Variants in SNX29 observed in about 807,000 individuals in gnomAD.
The protein encoded by SNX29 is sorting nexin 29.
A neutral mutation model predicts 102.1 loss-of-function variants in SNX29; 78 were observed. The observed-to-expected ratio is 0.76, with a 90% CI of 0.64 to 0.92. The LOEUF is 0.92. Ranked by LOEUF, SNX29 falls within the 40% of genes least tolerant of loss-of-function variation. The pLI is 0.00. For missense variants in SNX29, 1,280 were observed against 1,061.7 expected, an observed-to-expected ratio of 1.21 and a Z score of -2.86; for synonymous variants, 580 against 414.5, an observed-to-expected ratio of 1.40 and a Z score of -4.85.
At chr16:12,074,130 C>T (rs1216034544) in intron 10 of SNX29, among the ~76,000 whole-genome samples, 2 of 150,738 alleles carry the variant, frequency 1.3e-5, no homozygotes, top group South Asian at 2.1e-4. Context: ...TCCAATTTGC[C>T]AGTCTGTGTC....
intron 13 of SNX29, among the ~76,000 whole-genome samples, chr16:12,160,230 C>T (rs750038800): frequency 4.6e-5 from 7 of 152,316 alleles, no homozygotes; most frequent in Non-Finnish European, 8.8e-5. Context: ...CTCCACTCCA[C>T]TTTCTGACTG....
At chr16:12,022,275 A>G (rs1413758120) in intron 3 of SNX29, among the ~76,000 whole-genome samples, 1 of 150,722 alleles carries the variant, frequency 6.6e-6, no homozygotes, top group Non-Finnish European at 1.5e-5. Flanking sequence ...ATCTCAGCTC[A>G]CTGCGACCTC....
At chr16:12,301,211 A>G (rs554631273) in intron 15 of SNX29, among the ~76,000 whole-genome samples, 1 of 152,318 alleles carries the variant, frequency 6.6e-6, no homozygotes, top group Admixed American at 6.5e-5. Flanking sequence ...TGTTGCTACC[A>G]CAAATCTAAC....
intron 20 of SNX29, chr16:12,561,286 A>G (rs1315256841): frequency 8.7e-6 from 2 of 230,526 alleles, no homozygotes; most frequent in Non-Finnish European, 1.7e-5. Context: ...ACACAGGGAG[A>G]ACATTCTCCA....
intron 18 of SNX29, among the ~76,000 whole-genome samples, chr16:12,437,932 G>C (rs1395247243): frequency 6.6e-6 from 1 of 151,928 alleles, no homozygotes; most frequent in Non-Finnish European, 1.5e-5. Context: ...GGGCCCCAGC[G>C]GTCCATCTGC....
intron 18 of SNX29, among the ~76,000 whole-genome samples, chr16:12,467,672 C>G (rs2087124863): frequency 1.3e-5 from 2 of 152,210 alleles, no homozygotes; most frequent in Admixed American, 1.3e-4. Context: ...CTCATTCATT[C>G]ATTCATTCTG....
intron 16 of SNX29, among the ~76,000 whole-genome samples, chr16:12,359,177 C>T (rs974032670): frequency 1.3e-5 from 2 of 152,160 alleles, no homozygotes; most frequent in East Asian, 3.8e-4. Flanking sequence ...GTAGATGTGT[C>T]AGAATTGAAT....
At chr16:12,061,971 G>A (rs1348682923) in intron 9 of SNX29, among the ~76,000 whole-genome samples, 1 of 152,176 alleles carries the variant, frequency 6.6e-6, no homozygotes. Flanking sequence ...ACCACAAATA[G>A]TGACCACGAT....
intron 19 of SNX29, among the ~76,000 whole-genome samples, chr16:12,479,123 G>A (rs557891708): frequency 1.1e-4 from 17 of 152,314 alleles, no homozygotes; most frequent in African/African-American, 3.6e-4. Context: ...TGGGCTCACC[G>A]TAGACATGCT....
chr16:12,317,838 TCC>T lies in SNX29; in HGVS notation c.1783-38322_1783-38321del, dbSNP rs35710990. Among the ~76,000 whole-genome samples the T allele has an allele frequency of 2.0e-5, 3 of 152,210 alleles. No homozygotes were observed. The South Asian group carries it at 6.2e-4, about 32-fold the overall frequency. ...TCTGCAAAATGGTGATGCTAATGAC[TCC>T]CCGTGCCGGGGTGGGGGGTCGAAAT... On this transcript the variant is annotated intron_variant, in intron 15 of 20. Coordinates refer to ENST00000566228, the MANE Select transcript of SNX29 (RefSeq NM_032167.5).
chr16:12,299,583 C>G (rs2080095334), intron 15 of SNX29, among the ~76,000 whole-genome samples: 2 of 152,100 alleles, frequency 1.3e-5, no homozygotes, highest in South Asian at 4.1e-4. Context: ...ATTTATACAG[C>G]ATAATCTAGG....
intron 20 of SNX29, among the ~76,000 whole-genome samples, chr16:12,561,820 A>C (rs1262940231): frequency 6.6e-6 from 1 of 152,080 alleles, no homozygotes; most frequent in Non-Finnish European, 1.5e-5. Context: ...ACCGCAGCTT[A>C]CATCCTTCTC....
intron 20 of SNX29, among the ~76,000 whole-genome samples, chr16:12,560,388 T>A (rs1284187953): frequency 6.6e-6 from 1 of 152,054 alleles, no homozygotes; most frequent in Non-Finnish European, 1.5e-5. Flanking sequence ...GTATTTTGAG[T>A]TCTTTAATCC....
intron 20 of SNX29, among the ~76,000 whole-genome samples, chr16:12,565,951 C>T (rs945299208): frequency 2.0e-5 from 3 of 152,204 alleles, no homozygotes; most frequent in East Asian, 1.9e-4. Flanking sequence ...CCCTCCCCAT[C>T]CTCAATGACA....
intron 19 of SNX29, 82 bp from the exon 20 acceptor site, chr16:12,524,620 T>G: frequency 6.7e-7 from 1 of 1,494,414 alleles, no homozygotes; most frequent in African/African-American, 1.4e-5. Context: ...ATGGCGCTGA[T>G]GGGTGATCGC....
chr16:12,240,769 C>T (rs935375098), intron 14 of SNX29, among the ~76,000 whole-genome samples: 1 of 151,438 alleles, frequency 6.6e-6, no homozygotes, highest in South Asian at 2.1e-4. Flanking sequence ...CCATACTGGA[C>T]TAATATTTGT....
intron 19 of SNX29, among the ~76,000 whole-genome samples, chr16:12,481,513 G>GACACACACACAC (rs59650769): frequency 8.0e-6 from 1 of 125,574 alleles, no homozygotes; most frequent in East Asian, 2.2e-4. Context: ...TATACATATA[G>GACACACACACAC]ACACACACAC....
intron 20 of SNX29, chr16:12,561,119 T>C (rs1050469178): frequency 8.8e-5 from 20 of 227,778 alleles, no homozygotes; most frequent in Non-Finnish European, 1.5e-4. Context: ...GGGGCACCCA[T>C]CACGCAGTCC....
chr16:12,538,955 G>A (rs997156859), intron 20 of SNX29, among the ~76,000 whole-genome samples: 3 of 152,188 alleles, frequency 2.0e-5, no homozygotes, highest in African/African-American at 7.2e-5. Flanking sequence ...GCTGTGAAAT[G>A]CTAAGGCAAG....
Sources: allele counts gnomAD v4.1 joint callset (sites outside exome capture counted in the v4.1 genomes callset), GRCh38; gene constraint gnomAD v4.1.1; transcripts MANE v1.5; gene names NCBI Gene and HGNC (gene_info 2026-07-23, HGNC 2026-07-21).